GUCY2C: variants seen among roughly 807,000 people sequenced by gnomAD.
The protein encoded by GUCY2C is guanylate cyclase 2C.
A neutral mutation model predicts 131.1 loss-of-function variants in GUCY2C; 118 were observed. The ratio of observed to expected loss-of-function variants is 0.90; its 90% CI spans 0.78 to 1.05. The LOEUF (loss-of-function observed/expected upper bound fraction) is 1.05. GUCY2C is among the 50% of genes least tolerant of loss of function. The pLI is 0.00. For missense variants in GUCY2C, 1,161 were observed against 1,304.4 expected, an observed-to-expected ratio of 0.89 and a Z score of 1.69; for synonymous variants, 452 against 457.8, an observed-to-expected ratio of 0.99 and a Z score of 0.16.
In GUCY2C at chr12:14,682,896, T is replaced by C. The variant is rs1948377575; in HGVS notation, c.611+146A>G. Reference sequence around the variant, plus strand: ...TATATTTACTTGGTCCCCTTTGCTTTTATTTATGTGTGAGAAAATGAACTG... The same window carrying C: ...TATATTTACTTGGTCCCCTTTGCTTCTATTTATGTGTGAGAAAATGAACTG... On this transcript the variant is annotated intron_variant, in intron 4 of 26. Transcript: ENST00000261170. The C allele has an allele frequency of 1.6e-5, 10 of 609,878 alleles. No homozygotes were observed. The South Asian group carries it at 1.8e-4, about 11-fold the overall frequency. The allele number at this position is 609,878 out of a possible 1,614,324, so 37.8% of individuals were successfully genotyped here. A position where few individuals can be genotyped will look rare whatever the true frequency, so the allele number is the denominator to read the frequency against.
rs987254170 is a variant in GUCY2C at position 14,622,214 on chromosome 12, A to G, written c.2409-17T>C. 6 of 1,437,348 alleles carry G rather than the reference A, an allele frequency of 4.2e-6. No individual in the cohort carries two copies. Among genetic ancestry groups the G allele is most frequent in the Non-Finnish European group, 4.6e-6 (5 of 1,084,446 alleles). The allele number at this position is 1,437,348 out of a possible 1,614,324, so 89.0% of individuals were successfully genotyped here. On this transcript the variant is annotated splice_polypyrimidine_tract_variant and intron_variant, in intron 21 of 26. Coordinates refer to ENST00000261170, the MANE Select transcript of GUCY2C (RefSeq NM_004963.4). ...ACCACTAGCCTAGATGAACGAAGGG[A>G]AAAAAAATGCCTTCAACTTCAGCAA...
chr12:14,646,242 AC>A (rs1229826674), intron 15 of GUCY2C, among the ~76,000 whole-genome samples: 1 of 152,224 alleles, frequency 6.6e-6, no homozygotes, highest in African/African-American at 2.4e-5. Flanking sequence ...AGAACTCTAA[AC>A]AGGACTCTAA....
chr12:14,618,749 T>C (rs1014720346), intron 24 of GUCY2C, among the ~76,000 whole-genome samples: 2 of 152,002 alleles, frequency 1.3e-5, no homozygotes, highest in African/African-American at 2.4e-5. Context: ...TACAGGGAGC[T>C]ATGATCGTGT....
intron 20 of GUCY2C, among the ~76,000 whole-genome samples, chr12:14,628,221 A>G (rs1349323819): frequency 6.6e-6 from 1 of 152,178 alleles, no homozygotes; most frequent in Non-Finnish European, 1.5e-5. Flanking sequence ...GATTCATGAC[A>G]TGTCTTAAGT....
chr12:14,665,343 A>G (rs1311565664), intron 10 of GUCY2C, among the ~76,000 whole-genome samples: 1 of 152,140 alleles, frequency 6.6e-6, no homozygotes, highest in Non-Finnish European at 1.5e-5. Context: ...ATAAATAAGG[A>G]CACAGCGGCA....
At chr12:14,680,561 C>G (rs538901478) in intron 5 of GUCY2C, among the ~76,000 whole-genome samples, 1 of 152,280 alleles carries the variant, frequency 6.6e-6, no homozygotes, top group African/African-American at 2.4e-5. Flanking sequence ...AGTATCTTTC[C>G]TTGTAGAAAA....
intron 21 of GUCY2C, among the ~76,000 whole-genome samples, chr12:14,622,938 T>G (rs927602011): frequency 6.6e-6 from 1 of 152,200 alleles, no homozygotes; most frequent in African/African-American, 2.4e-5. Context: ...TGTGCCAAGT[T>G]ACCTCTTCAT....
Position 14,617,112 on chromosome 12 carries a change from G to A in GUCY2C, c.2876-385C>T, listed in dbSNP as rs1260260841. The stretch of plus-strand genomic sequence containing the variant: ...TCTCTTTCTTACTCCTGCTTTTGCT[G>A]TATGAAGTGCCTGCTCCTGCTTTGT... On this transcript the variant is annotated intron_variant, in intron 24 of 26. Transcript: ENST00000261170. Among the ~76,000 whole-genome samples, 5 of 152,158 alleles carry A rather than the reference G, an allele frequency of 3.3e-5. 1 individual carries two copies. In the East Asian group the frequency reaches 5.8e-4, roughly 18 times the overall value.
rs1342826834 is a variant in GUCY2C at position 14,621,067 on chromosome 12, T to TA, written c.2750dup (p.Trp918MetfsTer35). ...CAGAGTGAACTCCAATGCGAATCCA[T>TA]ATTGGGAGGCCAGGAAGATGCTCCA... On this transcript the variant is annotated frameshift_variant, in exon 23 of 27. Coordinates refer to ENST00000261170, the MANE Select transcript of GUCY2C (RefSeq NM_004963.4). LOFTEE classifies it high-confidence loss of function. 6.2e-7 allele frequency: 1 copy of TA among 1,613,478 alleles called. No homozygotes were observed. Among genetic ancestry groups the TA allele is most frequent in the East Asian group, 2.2e-5 (1 of 44,876 alleles).
chr12:14,675,238 G>GA (rs1948207612), intron 7 of GUCY2C, among the ~76,000 whole-genome samples: 1 of 114,006 alleles, frequency 8.8e-6, no homozygotes, highest in Non-Finnish European at 1.8e-5. Context: ...AAGAAAAAAA[G>GA]AAAGAAAGAA....
chr12:14,676,575 A>G (rs1014071968), intron 7 of GUCY2C, among the ~76,000 whole-genome samples: 13 of 152,166 alleles, frequency 8.5e-5, no homozygotes, highest in African/African-American at 3.1e-4. Context: ...CTGTCTTTCC[A>G]TATTGTTACT....
At chr12:14,676,998 T>C (rs377407823) in intron 6 of GUCY2C, 27 bp from the exon 7 acceptor site, 51 of 807,846 alleles carry the variant, frequency 6.3e-5, no homozygotes, top group Admixed American at 1.9e-4. Context: ...AGGTTCCTCA[T>C]GAAAATTAGG....
intron 24 of GUCY2C, among the ~76,000 whole-genome samples, chr12:14,618,177 C>T (rs11056066): frequency 0.017 from 2,644 of 152,294 alleles, 87 homozygotes; most frequent in African/African-American, 0.061. Context: ...TATATTCCTT[C>T]GTATATAACA....
chr12:14,644,730 A>T (rs559757513), intron 16 of GUCY2C, among the ~76,000 whole-genome samples: 24 of 137,682 alleles, frequency 1.7e-4, no homozygotes, highest in Admixed American at 4.3e-4. Context: ...AAAGTTGAGG[A>T]TTCAGTTGTC....
chr12:14,624,952 G>A (rs1468606427), intron 21 of GUCY2C, among the ~76,000 whole-genome samples: 2 of 152,210 alleles, frequency 1.3e-5, no homozygotes, highest in African/African-American at 4.8e-5. Flanking sequence ...CAGGCAAGGA[G>A]TTATGCATTA....
chr12:14,617,049 C>G (rs1592070906), intron 24 of GUCY2C, among the ~76,000 whole-genome samples: 1 of 152,076 alleles, frequency 6.6e-6, no homozygotes, highest in Non-Finnish European at 1.5e-5. Flanking sequence ...GTCACAAGAT[C>G]TGGTCATTTA....
At chr12:14,630,411 C>G (rs1947118490) in intron 19 of GUCY2C, among the ~76,000 whole-genome samples, 1 of 152,134 alleles carries the variant, frequency 6.6e-6, no homozygotes, top group Non-Finnish European at 1.5e-5. Flanking sequence ...TCCATGGGTT[C>G]TGCATTCGTG....
At chr12:14,628,429 G>A (rs564127186) in intron 20 of GUCY2C, among the ~76,000 whole-genome samples, 6 of 152,226 alleles carry the variant, frequency 3.9e-5, no homozygotes, top group South Asian at 2.1e-4. Context: ...AATCAGAAAA[G>A]TTTTGACCTT....
intron 1 of GUCY2C, among the ~76,000 whole-genome samples, chr12:14,693,704 G>A (rs1423280882): frequency 6.6e-6 from 1 of 152,172 alleles, no homozygotes. Context: ...GGGCATCACA[G>A]CTTATTCCTT....
Sources: allele counts gnomAD v4.1 joint callset (sites outside exome capture counted in the v4.1 genomes callset), GRCh38; gene constraint gnomAD v4.1.1; transcripts MANE v1.5; gene names NCBI Gene and HGNC (gene_info 2026-07-23, HGNC 2026-07-21).